The following GPM6A variants were observed in gnomAD, a reference collection of about 807,000 sequenced individuals.
The protein encoded by GPM6A is glycoprotein M6A.
GPM6A carries 7 observed loss-of-function variants against 32.1 expected under a neutral mutation model. The ratio of observed to expected loss-of-function variants is 0.22; its 90% CI spans 0.12 to 0.41. The LOEUF is 0.41. Ranked by LOEUF, GPM6A falls within the 10% of genes least tolerant of loss-of-function variation. GPM6A has a pLI of 1.00. For missense variants in GPM6A, 235 were observed against 347.2 expected (o/e 0.68, Z 2.57); for synonymous variants, 130 against 123.4 (o/e 1.05, Z -0.35).
chr4:175,834,165 C>G (rs74692344), intron 1 of GPM6A, among the ~76,000 whole-genome samples: 4 of 152,012 alleles, frequency 2.6e-5, no homozygotes, highest in Admixed American at 6.6e-5. Context: ...ATTTGCCAGG[C>G]CTTTAATCTG....
At chr4:176,000,007 T>C (rs1380151210) in intron 1 of GPM6A, among the ~76,000 whole-genome samples, 1 of 152,118 alleles carries the variant, frequency 6.6e-6, no homozygotes, top group Non-Finnish European at 1.5e-5. Context: ...CTTTCCCCAC[T>C]TTGCCCCTCT....
chr4:175,655,623 G>A (rs1742040533), intron 3 of GPM6A, among the ~76,000 whole-genome samples: 1 of 151,830 alleles, frequency 6.6e-6, no homozygotes, highest in South Asian at 2.1e-4. Context: ...TTGTATATGT[G>A]TGCCTTTATT....
At chr4:175,758,795 C>G (rs191208277) in intron 1 of GPM6A, among the ~76,000 whole-genome samples, 1 of 152,248 alleles carries the variant, frequency 6.6e-6, no homozygotes, top group East Asian at 1.9e-4. Context: ...AAATCACACA[C>G]TGAACATGCA....
At chr4:175,780,046 CTTT>C (rs112638875) in intron 1 of GPM6A, among the ~76,000 whole-genome samples, 1 of 143,980 alleles carries the variant, frequency 6.9e-6, no homozygotes, top group African/African-American at 2.5e-5. Flanking sequence ...CATGTGTTAA[CTTT>C]TTTTTTTTTT....
intron 1 of GPM6A, among the ~76,000 whole-genome samples, chr4:175,878,173 G>T (rs965619236): frequency 6.6e-6 from 1 of 152,142 alleles, no homozygotes; most frequent in African/African-American, 2.4e-5. Context: ...TGTTTTCATG[G>T]CCTGGTATTG....
intron 1 of GPM6A, among the ~76,000 whole-genome samples, chr4:175,722,954 T>A (rs891022406): frequency 1.3e-5 from 2 of 150,220 alleles, no homozygotes; most frequent in South Asian, 4.2e-4. Flanking sequence ...AAAGCTCAAG[T>A]GGGAAGATTA....
At chr4:175,811,986 C>A in intron 1 of GPM6A, 1 of 503,834 alleles carries the variant, frequency 2.0e-6, no homozygotes, top group Non-Finnish European at 3.5e-6. Context: ...CTCTGCATTT[C>A]GGTACTTATA....
intron 1 of GPM6A, among the ~76,000 whole-genome samples, chr4:175,881,557 C>T (rs532397420): frequency 6.6e-5 from 10 of 152,198 alleles, no homozygotes; most frequent in South Asian, 2.1e-4. Flanking sequence ...ATATTTATTG[C>T]GGCACTACTC....
At chr4:175,657,044 G>A (rs1399619275) in intron 3 of GPM6A, among the ~76,000 whole-genome samples, 3 of 152,100 alleles carry the variant, frequency 2.0e-5, no homozygotes, top group Non-Finnish European at 4.4e-5. Context: ...TCAGGTCATT[G>A]TTTCTCACTG....
At chr4:175,689,244 T>C (rs1744158615) in intron 2 of GPM6A, among the ~76,000 whole-genome samples, 1 of 152,208 alleles carries the variant, frequency 6.6e-6, no homozygotes, top group South Asian at 2.1e-4. Context: ...TTCTGCAAAA[T>C]ATACCATTGT....
chr4:175,823,124 C>T (rs1735330918), intron 1 of GPM6A, among the ~76,000 whole-genome samples: 1 of 152,108 alleles, frequency 6.6e-6, no homozygotes, highest in African/African-American at 2.4e-5. Flanking sequence ...GGTTAAGCAA[C>T]TTTCTCAAGG....
intron 6 of GPM6A, among the ~76,000 whole-genome samples, chr4:175,637,364 A>ATTATATATTATAT (rs1560842168): frequency 1.6e-5 from 1 of 63,398 alleles, no homozygotes; most frequent in African/African-American, 7.2e-5. Flanking sequence ...TATAATATAT[A>ATTATATATTATAT]ACATATAATA....
chr4:175,907,012 T>C (rs560383118), intron 1 of GPM6A: 1 of 152,232 alleles, frequency 6.6e-6, no homozygotes, highest in East Asian at 1.9e-4. Context: ...AGAGCTAGCA[T>C]TTCTCCTTAA....
chr4:175,849,247 GC>G (rs560567477), intron 1 of GPM6A, among the ~76,000 whole-genome samples: 14 of 152,204 alleles, frequency 9.2e-5, no homozygotes, highest in African/African-American at 3.1e-4. Context: ...AATTCTCCCA[GC>G]CCCCTTTTAG....
chr4:175,682,125 G>T (rs1438969565), intron 2 of GPM6A, among the ~76,000 whole-genome samples: 2 of 149,880 alleles, frequency 1.3e-5, no homozygotes, highest in African/African-American at 5.1e-5. Flanking sequence ...TGGAGCAAAG[G>T]TCACACATGT....
At chr4:175,637,065 A>G (rs1216331038) in intron 6 of GPM6A, among the ~76,000 whole-genome samples, 3 of 65,436 alleles carry the variant, frequency 4.6e-5, no homozygotes, top group Non-Finnish European at 8.5e-5. Flanking sequence ...AAATATTTGT[A>G]ATATAAAAAT....
At chr4:175,849,959 C>T (rs892405073) in intron 1 of GPM6A, among the ~76,000 whole-genome samples, 4 of 152,216 alleles carry the variant, frequency 2.6e-5, no homozygotes, top group Admixed American at 2.6e-4. Flanking sequence ...CATGAGCAAA[C>T]TCATAAATAG....
At chr4:175,675,682 C>G (rs780181311) in intron 2 of GPM6A, among the ~76,000 whole-genome samples, 2 of 152,024 alleles carry the variant, frequency 1.3e-5, no homozygotes, top group South Asian at 4.1e-4. Flanking sequence ...CATGGTCTCC[C>G]TCTGTCACCC....
chr4:175,839,801 T>A (rs1288847506), intron 1 of GPM6A, among the ~76,000 whole-genome samples: 1 of 152,128 alleles, frequency 6.6e-6, no homozygotes, highest in African/African-American at 2.4e-5. Flanking sequence ...TTCCAAAGAG[T>A]TTCTTGATGT....
Sources: allele counts gnomAD v4.1 joint callset (sites outside exome capture counted in the v4.1 genomes callset), GRCh38; gene constraint gnomAD v4.1.1; transcripts MANE v1.5; gene names NCBI Gene and HGNC (gene_info 2026-07-23, HGNC 2026-07-21).